ZMYM2: variants seen among roughly 807,000 people sequenced by gnomAD.
The protein encoded by ZMYM2 is zinc finger MYM-type protein 2.
ZMYM2 carries 56 observed loss-of-function variants against 162.8 expected under a neutral mutation model. The ratio of observed to expected loss-of-function variants is 0.34; its 90% confidence interval spans 0.28 to 0.43. The LOEUF (loss-of-function observed/expected upper bound fraction) is 0.43, where lower values mean the gene tolerates loss of function less well. ZMYM2 is among the 20% of genes least tolerant of loss of function. The pLI, the probability that ZMYM2 is intolerant of heterozygous loss-of-function variation, is 1.00. For synonymous variants in ZMYM2, 510 were observed against 541.6 expected, an observed-to-expected ratio of 0.94 and a Z score of 0.81; for missense variants, 1,275 against 1,621.8, an observed-to-expected ratio of 0.79 and a Z score of 3.67.
At chr13:20,023,811 TC>T (rs1952327790) in intron 7 of ZMYM2, among the ~76,000 whole-genome samples, 3 of 152,240 alleles carry the variant, frequency 2.0e-5, no homozygotes, top group Non-Finnish European at 4.4e-5. Context: ...AAATTATATT[TC>T]CCTTTTGGCT....
chr13:20,046,563 A>AT (rs139932379), intron 12 of ZMYM2, among the ~76,000 whole-genome samples: 137 of 12,858 alleles, frequency 0.011, 1 homozygote, highest in East Asian at 0.023. Flanking sequence ...CTAAAAAAAA[A>AT]AATATATATA....
chr13:19,978,152 C>T (rs1417769127), intron 2 of ZMYM2, among the ~76,000 whole-genome samples: 1 of 152,150 alleles, frequency 6.6e-6, no homozygotes, highest in Non-Finnish European at 1.5e-5. Flanking sequence ...TCTGGGATTA[C>T]AGGTGTGAGC....
At chr13:19,962,496 GATATAT>G (rs199575840) in intron 2 of ZMYM2, among the ~76,000 whole-genome samples, 3 of 84,820 alleles carry the variant, frequency 3.5e-5, no homozygotes, top group African/African-American at 1.8e-4. Context: ...AATTGCATGG[GATATAT>G]ATATATATAT....
At chr13:19,986,815 A>T (rs1949184699) in intron 2 of ZMYM2, among the ~76,000 whole-genome samples, 1 of 152,058 alleles carries the variant, frequency 6.6e-6, no homozygotes, top group Non-Finnish European at 1.5e-5. Flanking sequence ...TTAAAAAAAA[A>T]TCCTCAGCGG....
At chr13:19,972,568 T>A (rs1956421559) in intron 2 of ZMYM2, among the ~76,000 whole-genome samples, 1 of 152,180 alleles carries the variant, frequency 6.6e-6, no homozygotes. Flanking sequence ...ATGGATATAA[T>A]ACAGCTTAGA....
chr13:20,070,881 G>GC (rs1293959921), intron 21 of ZMYM2: 1 of 152,902 alleles, frequency 6.5e-6, no homozygotes, highest in African/African-American at 2.4e-5. Flanking sequence ...TCATAATGGA[G>GC]CAAGTACATT....
chr13:19,872,727 G>A, the ZMYM2 span, among the ~76,000 whole-genome samples: 1 of 152,068 alleles, frequency 6.6e-6, no homozygotes, highest in African/African-American at 2.4e-5. Flanking sequence ...GACCAGGCGC[G>A]GTTGCTCATG....
the ZMYM2 span, among the ~76,000 whole-genome samples, chr13:19,943,587 G>A: frequency 6.3e-4 from 96 of 152,222 alleles, 1 homozygote; most frequent in African/African-American, 2.3e-3. Context: ...TCCTCTCGCT[G>A]GGCATTTTGA....
chr13:20,006,254 T>G, intron 5 of ZMYM2, 120 bp from the exon 6 acceptor site: 2 of 1,114,042 alleles, frequency 1.8e-6, no homozygotes, highest in Admixed American at 3.0e-5. Context: ...AAAAATTTTT[T>G]TTTTCCTTTT....
chr13:20,027,705 T>C (rs1385670396), intron 9 of ZMYM2, among the ~76,000 whole-genome samples: 1 of 152,194 alleles, frequency 6.6e-6, no homozygotes, highest in Non-Finnish European at 1.5e-5. Flanking sequence ...TTTCTTCATA[T>C]GTTAGAAATG....
chr13:20,086,195 G>T lies in ZMYM2; in HGVS notation c.*181G>T. 6.3e-6 allele frequency: 3 copies of T among 475,730 alleles called. No individual in the cohort carries two copies. Among genetic ancestry groups the T allele is most frequent in the Admixed American group, 3.7e-5 (1 of 27,016 alleles). 29.5% of individuals were successfully genotyped at this position (475,730 alleles called of 1,614,324 possible). ...GAAAGTTGCCATTATTCTATGTAGT[G>T]GTTTTAGGATACTTAACAAATACAT... is the stretch of plus-strand genomic sequence containing the variant. On this transcript the variant is annotated 3_prime_UTR_variant, in exon 25 of 25. Coordinates refer to ENST00000610343, the MANE Select transcript of ZMYM2 (RefSeq NM_197968.4).
the ZMYM2 span, among the ~76,000 whole-genome samples, chr13:19,895,011 A>G: frequency 2.4e-5 from 3 of 126,006 alleles, no homozygotes; most frequent in Admixed American, 1.1e-4. Context: ...CAAGGGGCGG[A>G]GGTTGCAGTG....
At chr13:20,028,814 T>TC (rs1418857585) in intron 9 of ZMYM2, among the ~76,000 whole-genome samples, 2 of 152,090 alleles carry the variant, frequency 1.3e-5, no homozygotes, top group African/African-American at 4.8e-5. Context: ...TCATCTTTTT[T>TC]TTTTTTTTTA....
the ZMYM2 span, among the ~76,000 whole-genome samples, chr13:19,917,954 G>A: frequency 7.9e-5 from 12 of 152,110 alleles, no homozygotes; most frequent in African/African-American, 2.9e-4. Context: ...CTACTCAGGA[G>A]GCTGAGGTGG....
chr13:19,915,284 T>G, the ZMYM2 span, among the ~76,000 whole-genome samples: 1 of 151,914 alleles, frequency 6.6e-6, no homozygotes, highest in African/African-American at 2.4e-5. Flanking sequence ...TTAAAAGAGA[T>G]AGATCTCACT....
intron 2 of ZMYM2, chr13:19,970,170 C>G (rs1204987750): frequency 1.9e-6 from 1 of 522,460 alleles, no homozygotes; most frequent in Non-Finnish European, 2.5e-6. Context: ...ATTTGGAACA[C>G]CAACAAGTGG....
chr13:20,060,603 G>A (rs1418976677), intron 16 of ZMYM2, among the ~76,000 whole-genome samples: 6 of 152,088 alleles, frequency 3.9e-5, no homozygotes, highest in Admixed American at 2.0e-4. Context: ...GCTTGAACCC[G>A]GGAGGCGGAG....
intron 6 of ZMYM2, among the ~76,000 whole-genome samples, chr13:20,018,548 G>A (rs1277291810): frequency 6.6e-6 from 1 of 152,086 alleles, no homozygotes; most frequent in African/African-American, 2.4e-5. Context: ...TTGTTTATCT[G>A]TGCTCTCATT....
intron 6 of ZMYM2, among the ~76,000 whole-genome samples, chr13:20,015,445 C>T (rs1291756457): frequency 1.3e-5 from 2 of 152,160 alleles, no homozygotes; most frequent in African/African-American, 4.8e-5. Flanking sequence ...GGCAAGAATA[C>T]TCAATATATG....
Sources: gnomAD v4.1 joint callset for allele counts (sites outside exome capture counted in the v4.1 genomes callset) on GRCh38, gnomAD v4.1.1 for gene constraint, MANE v1.5 for transcripts, NCBI Gene and HGNC (gene_info 2026-07-23, HGNC 2026-07-21) for gene names.